The following TNS4 variants were observed in gnomAD, a reference collection of about 807,000 sequenced individuals.
TNS4 encodes the protein tensin 4, also known as tensin-4.
A neutral mutation model predicts 70.4 loss-of-function variants in TNS4; 46 were observed. That is an observed-to-expected ratio of 0.65 (90% CI 0.52 to 0.84). TNS4 has a LOEUF of 0.84. TNS4 is among the 40% of genes least tolerant of loss of function. The pLI, the probability that TNS4 is intolerant of heterozygous loss-of-function variation, is 0.00. For missense variants in TNS4, 863 were observed against 907.0 expected (o/e 0.95, Z 0.62); for synonymous variants, 390 against 366.6 (o/e 1.06, Z -0.73).
chr17:40,499,893 A>G (rs2036191351), intron 1 of TNS4, among the ~76,000 whole-genome samples: 1 of 152,202 alleles, frequency 6.6e-6, no homozygotes, highest in African/African-American at 2.4e-5. Flanking sequence ...TCCCCTCGCA[A>G]CCAGGACCCA....
intron 6 of TNS4, 68 bp downstream of exon 6, chr17:40,484,416 A>AG: frequency 6.3e-7 from 1 of 1,579,598 alleles, no homozygotes; most frequent in Non-Finnish European, 8.6e-7. Context: ...TGCCAGAGCC[A>AG]GGACTGGAAC....
At position 40,487,427 on chromosome 17, in the gene TNS4, G is replaced by A; in HGVS notation, c.897C>T (p.Ser299=). The change falls in exon 4 of 13, where the codon AGC becomes AGT. Residue 299 remains serine (S), a synonymous_variant. Transcript: ENST00000254051. ...CCAAGGATCTGGAAGATGACTGATG[G>A]CTGGAGTTGCTGGAGTGCAGGAGGG... ...SQSLLHSSNS[S]HQSSSRSLES... 1.9e-6 allele frequency: 3 copies of A among 1,611,926 alleles called. No homozygotes were observed. Among genetic ancestry groups the A allele is most frequent in the Non-Finnish European group, 2.5e-6 (3 of 1,178,366 alleles).
Position 40,477,480 on chromosome 17 carries a change from T to C in TNS4, c.*108A>G. 1 of 1,461,842 alleles carries C rather than the reference T, an allele frequency of 6.8e-7. No homozygotes were observed. The highest frequency in any genetic ancestry group is 1.4e-5 in the African/African-American group (1 of 71,472). The allele number at this position is 1,461,842 out of a possible 1,614,324, so 90.6% of individuals were successfully genotyped here. A position where few individuals can be genotyped will look rare whatever the true frequency, so the allele number is the denominator to read the frequency against. ...CTTGATGCCAATCCCCCTAGTCCCA[T>C]AGATTGGTCTGTCAATATGGCCACA... On this transcript the variant is annotated 3_prime_UTR_variant, in exon 13 of 13. Transcript: ENST00000254051.
intron 4 of TNS4, among the ~76,000 whole-genome samples, chr17:40,486,408 G>A (rs770094447): frequency 1.1e-4 from 17 of 152,076 alleles, no homozygotes; most frequent in Non-Finnish European, 2.1e-4. Flanking sequence ...GCCCTATCCC[G>A]GTTCAGGACC....
chr17:40,487,590 C>T (rs34456044), intron 3 of TNS4, 130 bp from the exon 4 acceptor site: 225,538 of 888,658 alleles, frequency 0.25, 30,818 homozygotes, highest in South Asian at 0.39. Context: ...TACCCCACCC[C>T]CTACAGCCCA....
intron 1 of TNS4, among the ~76,000 whole-genome samples, chr17:40,497,211 T>C (rs538972722): frequency 5.3e-5 from 8 of 152,272 alleles, no homozygotes; most frequent in Non-Finnish European, 8.8e-5. Flanking sequence ...TAGGGAGGTC[T>C]TCCTGGAGGA....
rs762008294 is a variant in TNS4 at position 40,477,667 on chromosome 17, G to T, written c.2069C>A (p.Ala690Glu). The change falls in exon 13 of 13, where the codon GCG becomes GAG. Residue 690 changes from alanine to glutamate, a missense_variant. Ala to Glu is a moderately radical substitution (Grantham distance 107). Coordinates refer to ENST00000254051, the MANE Select transcript of TNS4 (RefSeq NM_032865.6). The stretch of plus-strand genomic sequence containing the variant: ...GGCTGGCTGGACCATGTCATACTCC[G>T]CAAAGAGGTGGCATACGTTCTCCTG... The part of the protein sequence containing the change: ...EPQENVCHLF[A>E]EYDMVQPASQ... 23 of 1,613,950 alleles carry T rather than the reference G, an allele frequency of 1.4e-5. No individual in the cohort carries two copies. The highest frequency in any genetic ancestry group is 1.9e-5 in the Non-Finnish European group (23 of 1,180,020).
chr17:40,498,098 A>C (rs537713929), intron 1 of TNS4, among the ~76,000 whole-genome samples: 131 of 152,222 alleles, frequency 8.6e-4, no homozygotes, highest in South Asian at 2.1e-3. Context: ...GCTGGTCCCC[A>C]GCCCCCACCA....
intron 2 of TNS4, 87 bp from the exon 3 acceptor site, chr17:40,489,056 C>T: frequency 7.8e-7 from 1 of 1,290,270 alleles, no homozygotes; most frequent in Admixed American, 2.5e-5. Flanking sequence ...CAAGGTCATT[C>T]TGTCCCCCCT....
chr17:40,480,866 TC>T, intron 8 of TNS4, 98 bp from the exon 9 acceptor site: 1 of 1,335,392 alleles, frequency 7.5e-7, no homozygotes, highest in Non-Finnish European at 1.0e-6. Context: ...TTTGAAGATC[TC>T]CCACCTCCAC....
chr17:40,478,433 A>T, intron 11 of TNS4, 100 bp from the exon 12 acceptor site: 28 of 1,213,968 alleles, frequency 2.3e-5, no homozygotes, highest in Admixed American at 4.0e-5. Context: ...CCACCCCACC[A>T]TGCCCCACCC....
intron 1 of TNS4, among the ~76,000 whole-genome samples, chr17:40,499,701 C>T (rs1303599808): frequency 2.0e-5 from 3 of 152,244 alleles, no homozygotes; most frequent in East Asian, 1.9e-4. Context: ...CCGGCCTCTG[C>T]GCTCCCGCCC....
chr17:40,480,911 GATTACCGTA>G, intron 8 of TNS4, 143 bp from the exon 9 acceptor site: 1 of 955,660 alleles, frequency 1.0e-6, no homozygotes. Flanking sequence ...AACCAGGTGT[GATTACCGTA>G]ATTAGGCAAA....
rs111933017 is a variant in TNS4, at chr17:40,491,483, A to G, written c.440-2514T>C. On this transcript the variant is annotated intron_variant, in intron 2 of 12. Transcript: ENST00000254051. ...GAGTGTTGTTGAGCTCTGTTTAGGGACTGCTTCTTCCAGGATGAGGAGGGG... is the reference window on the plus strand; with the variant it reads ...GAGTGTTGTTGAGCTCTGTTTAGGGGCTGCTTCTTCCAGGATGAGGAGGGG... 3.2e-3 allele frequency among the ~76,000 whole-genome samples: 484 copies of G among 152,302 alleles called. 3 individuals carry two copies. Among genetic ancestry groups the G allele is most frequent in the Non-Finnish European group, 2.6e-3 (178 of 68,014 alleles).
At chr17:40,478,522 CT>C (rs2035879568) in intron 11 of TNS4, 57 bp downstream of exon 11, 7 of 1,604,566 alleles carry the variant, frequency 4.4e-6, no homozygotes, top group Admixed American at 1.7e-5. Flanking sequence ...GGCAGGACGC[CT>C]TGGTGGGCAG....
intron 1 of TNS4, among the ~76,000 whole-genome samples, chr17:40,497,128 G>T (rs1334155024): frequency 6.6e-6 from 1 of 152,158 alleles, no homozygotes; most frequent in Non-Finnish European, 1.5e-5. Flanking sequence ...CAAGTAAGTG[G>T]GTGAACAACT....
At chr17:40,479,585 C>A in intron 10 of TNS4, 89 bp downstream of exon 10, 2 of 1,503,274 alleles carry the variant, frequency 1.3e-6, no homozygotes, top group Non-Finnish European at 1.8e-6. Context: ...CTGAACTTGA[C>A]CTTCATCCCT....
chr17:40,489,111 A>G, intron 2 of TNS4, 142 bp from the exon 3 acceptor site: 1 of 717,438 alleles, frequency 1.4e-6, no homozygotes, highest in Non-Finnish European at 2.0e-6. Context: ...GGAGAGCCCA[A>G]CTCCACCTTC....
chr17:40,488,450 C>T (rs2036020830), intron 3 of TNS4, 96 bp downstream of exon 3: 10 of 1,258,532 alleles, frequency 7.9e-6, no homozygotes, highest in Admixed American at 2.8e-5. Context: ...CCAGATTTTG[C>T]TCAGACAGAG....
Sources: gnomAD v4.1 joint callset for allele counts (sites outside exome capture counted in the v4.1 genomes callset) on GRCh38, gnomAD v4.1.1 for gene constraint, MANE v1.5 for transcripts, NCBI Gene and HGNC (gene_info 2026-07-23, HGNC 2026-07-21) for gene names.